NUFIP1: variants seen among roughly 807,000 people sequenced by gnomAD.
The protein encoded by NUFIP1 is FMR1-interacting protein NUFIP1.
NUFIP1 carries 38 observed loss-of-function variants against 56.2 expected under a neutral mutation model. The ratio of observed to expected loss-of-function variants is 0.68; its 90% CI spans 0.52 to 0.89. The LOEUF (loss-of-function observed/expected upper bound fraction) is 0.89, where lower values mean the gene tolerates loss of function less well. NUFIP1 is among the 40% of genes least tolerant of loss of function. The pLI is 0.00. For missense variants in NUFIP1, 567 were observed against 605.8 expected (o/e 0.94, Z 0.67); for synonymous variants, 215 against 212.4 (o/e 1.01, Z -0.10).
intron 6 of NUFIP1, among the ~76,000 whole-genome samples, chr13:44,961,163 A>G (rs1237396752): frequency 6.6e-6 from 1 of 152,138 alleles, no homozygotes; most frequent in Non-Finnish European, 1.5e-5. Flanking sequence ...GTTCCTTCAT[A>G]GTAGACAATA....
At position 44,959,570 on chromosome 13, in the gene NUFIP1, T is replaced by G. The variant is rs768074179; in HGVS notation, c.832A>C (p.Met278Leu). Reference sequence around the variant, plus strand: ...TGTGAATGTCTGGACATCCCCTTCATCTTGCTGGAGTAAGAAAATTGCAAT... The same window carrying G: ...TGTGAATGTCTGGACATCCCCTTCAGCTTGCTGGAGTAAGAAAATTGCAAT... Reference protein sequence around the residue: ...AVLTTTQYGKMKGMSRHSQMA... With the variant: ...AVLTTTQYGKLKGMSRHSQMA... The change falls in exon 7 of 10, where the codon ATG becomes CTG. Residue 278 changes from methionine (M) to leucine (L), a missense_variant. Met to Leu is a conservative substitution (Grantham distance 15, BLOSUM62 2). Coordinates refer to ENST00000379161, the MANE Select transcript of NUFIP1 (RefSeq NM_012345.3). 6.2e-7 allele frequency: 1 copy of G among 1,602,856 alleles called. No individual in the cohort carries two copies. The highest frequency in any genetic ancestry group is 8.5e-7 in the Non-Finnish European group (1 of 1,176,368).
intron 2 of NUFIP1, among the ~76,000 whole-genome samples, 183 bp from the exon 3 acceptor site, chr13:44,981,003 T>A (rs1872170085): frequency 1.3e-5 from 2 of 152,256 alleles, no homozygotes; most frequent in African/African-American, 4.8e-5. Flanking sequence ...ATTTTGTTTT[T>A]AACAAATATA....
chr13:44,964,694 G>A (rs147310686), intron 6 of NUFIP1, among the ~76,000 whole-genome samples: 213 of 152,232 alleles, frequency 1.4e-3, no homozygotes, highest in Non-Finnish European at 2.6e-3. Context: ...GCATGTATTT[G>A]TCAGGAAACT....
At chr13:44,982,890 C>T (rs1387764481) in intron 1 of NUFIP1, among the ~76,000 whole-genome samples, 5 of 152,108 alleles carry the variant, frequency 3.3e-5, no homozygotes, top group African/African-American at 1.2e-4. Context: ...CACCTGTAGT[C>T]CTAGCTACTG....
At chr13:44,968,915 T>A (rs1050388826) in intron 5 of NUFIP1, among the ~76,000 whole-genome samples, 1 of 152,160 alleles carries the variant, frequency 6.6e-6, no homozygotes, top group African/African-American at 2.4e-5. Flanking sequence ...ACATCAAAGA[T>A]GTGATGTGTA....
At chr13:44,977,773 G>T (rs954445488) in intron 5 of NUFIP1, among the ~76,000 whole-genome samples, 1 of 152,206 alleles carries the variant, frequency 6.6e-6, no homozygotes, top group Admixed American at 6.5e-5. Flanking sequence ...CCTCAGCTGG[G>T]TGTGGTGGCT....
rs1871349053 is a variant in NUFIP1, at chr13:44,959,495, T to C, written c.907A>G (p.Asn303Asp). 1 of 1,614,042 alleles carries C rather than the reference T, an allele frequency of 6.2e-7. No homozygotes were observed. The highest frequency in any genetic ancestry group is 8.5e-7 in the Non-Finnish European group (1 of 1,180,036). Residue 303 changes from asparagine (N) to aspartate (D), a missense_variant, in exon 7 of 10, where the codon AAT (asparagine) becomes GAT (aspartate). Physicochemically the swap from Asn to Asp is conservative, Grantham distance 23. Coordinates refer to ENST00000379161, the MANE Select transcript of NUFIP1 (RefSeq NM_012345.3). ...PGKNHKWKND[N>D]SRQRAVTGSG... ...CCAGTGACTGCTCTCTGTCTAGAAT[T>C]GTCGTTTTTCCATTTGTGATTCTTG...
intron 5 of NUFIP1, among the ~76,000 whole-genome samples, chr13:44,976,755 C>A (rs1422573531): frequency 6.6e-6 from 1 of 152,136 alleles, no homozygotes; most frequent in African/African-American, 2.4e-5. Flanking sequence ...AAGTTTATTT[C>A]TTACAGTTTT....
At chr13:44,954,911 C>T (rs1871177009) in intron 7 of NUFIP1, among the ~76,000 whole-genome samples, 1 of 152,176 alleles carries the variant, frequency 6.6e-6, no homozygotes, top group African/African-American at 2.4e-5. Flanking sequence ...TCCCAGTGTT[C>T]TACGACAATA....
At chr13:44,963,395 C>A (rs1871490514) in intron 6 of NUFIP1, among the ~76,000 whole-genome samples, 1 of 152,164 alleles carries the variant, frequency 6.6e-6, no homozygotes. Context: ...ATGTATTTGG[C>A]AACCTTGCTA....
In NUFIP1 at chr13:44,954,205, C is replaced by CA. The variant is rs1871158117; in HGVS notation, c.1022-4368dup. On this transcript the variant is annotated intron_variant, in intron 7 of 9. Transcript: ENST00000379161. ...GAAAATACCAGCATAGAGATAGCAG[C>CA]AATTGATCTGACAGAACCAGACTTT... 2.6e-5 allele frequency among the ~76,000 whole-genome samples: 4 copies of CA among 152,274 alleles called. No homozygotes were observed. In the South Asian group the frequency reaches 8.3e-4, roughly 32 times the overall value.
chr13:44,956,141 C>CAAAA (rs371458350), intron 7 of NUFIP1, among the ~76,000 whole-genome samples: 7 of 61,432 alleles, frequency 1.1e-4, no homozygotes, highest in South Asian at 5.6e-4. Flanking sequence ...GACTCCGTCT[C>CAAAA]AAAAAAAAAA....
chr13:44,949,041 C>T (rs968392825), intron 8 of NUFIP1, among the ~76,000 whole-genome samples: 1 of 152,070 alleles, frequency 6.6e-6, no homozygotes, highest in Non-Finnish European at 1.5e-5. Flanking sequence ...CATAAAAGAT[C>T]TCTCTCCATC....
chr13:44,957,494 G>T (rs966302216), intron 7 of NUFIP1, among the ~76,000 whole-genome samples: 18 of 152,292 alleles, frequency 1.2e-4, no homozygotes, highest in South Asian at 8.3e-4. Flanking sequence ...TTACAGGCGT[G>T]AGCCACCATG....
At chr13:44,951,973 C>CT (rs1476841656) in intron 7 of NUFIP1, among the ~76,000 whole-genome samples, 1 of 152,186 alleles carries the variant, frequency 6.6e-6, no homozygotes, top group African/African-American at 2.4e-5. Flanking sequence ...GGCAGTCTCT[C>CT]TGCCTTGACT....
chr13:44,966,701 C>T (rs1432732932), intron 5 of NUFIP1, among the ~76,000 whole-genome samples: 3 of 151,996 alleles, frequency 2.0e-5, no homozygotes, highest in Non-Finnish European at 4.4e-5. Flanking sequence ...AAAATATACA[C>T]GGTGGCTCAT....
chr13:44,939,604 A>AT lies in NUFIP1; in HGVS notation c.*1601dup, dbSNP rs1870664214. On this transcript the variant is annotated 3_prime_UTR_variant, in exon 10 of 10. Transcript: ENST00000379161. ...AAGTAGAAACCATACAGGCTATATT[A>AT]TATCTCCTTAGAAATTTTAAATACA... The AT allele has an allele frequency of 6.6e-6, 1 of 152,206 alleles. No individual in the cohort carries two copies. Among genetic ancestry groups the AT allele is most frequent in the Non-Finnish European group, 1.5e-5 (1 of 68,034 alleles). 9.4% of individuals were successfully genotyped at this position (152,206 alleles called of 1,614,324 possible).
rs922854060 is a variant in NUFIP1 at position 44,982,430 on chromosome 13, C to T, written c.413-276G>A. Among the ~76,000 whole-genome samples, 6 of 152,168 alleles carry T rather than the reference C, an allele frequency of 3.9e-5. No individual in the cohort carries two copies. The South Asian group carries it at 8.3e-4, about 21-fold the overall frequency. On this transcript the variant is annotated intron_variant, in intron 1 of 9. Coordinates refer to ENST00000379161, the MANE Select transcript of NUFIP1 (RefSeq NM_012345.3). ...ACAACCTAACCTGATGAAATTCCTT[C>T]GGTTATTTCAAATATTAGAAATGTA...
chr13:44,987,533 T>C (rs938917393), intron 1 of NUFIP1, among the ~76,000 whole-genome samples: 6 of 151,310 alleles, frequency 4.0e-5, no homozygotes, highest in East Asian at 1.9e-4. Flanking sequence ...AATAACTTTT[T>C]TGCCCCATAG....
Sources: allele counts gnomAD v4.1 joint callset (sites outside exome capture counted in the v4.1 genomes callset), GRCh38; gene constraint gnomAD v4.1.1; transcripts MANE v1.5; gene names NCBI Gene and HGNC (gene_info 2026-07-23, HGNC 2026-07-21).